ADAMTSL3: variants seen among roughly 807,000 people sequenced by gnomAD.
ADAMTSL3 encodes ADAMTS like 3.
ADAMTSL3 carries 128 observed loss-of-function variants against 201.7 expected under a neutral mutation model. The ratio of observed to expected loss-of-function variants is 0.63; its 90% CI spans 0.55 to 0.73. The LOEUF is 0.73. Among genes scored for constraint, ADAMTSL3 ranks in the 30% least tolerant of loss-of-function variants. The pLI, the probability that ADAMTSL3 is intolerant of heterozygous loss-of-function variation, is 0.00. For synonymous variants in ADAMTSL3, 738 were observed against 748.4 expected, an observed-to-expected ratio of 0.99 and a Z score of 0.23; for missense variants, 1,990 against 2,119.6, an observed-to-expected ratio of 0.94 and a Z score of 1.20.
chr15:83,903,926 A>AGGGAGGGAGGGAGG (rs1283956007), intron 15 of ADAMTSL3, among the ~76,000 whole-genome samples: 1 of 31,776 alleles, frequency 3.1e-5, no homozygotes, highest in Non-Finnish European at 4.9e-5. Context: ...TCAAAAAAAA[A>AGGGAGGGAGGGAGG]AAAAAAAAAA....
chr15:83,863,886 A>C (rs554763576), intron 8 of ADAMTSL3, among the ~76,000 whole-genome samples: 2 of 152,352 alleles, frequency 1.3e-5, no homozygotes, highest in East Asian at 3.9e-4. Context: ...AATAAAGAAA[A>C]GAGAGAAGCA....
chr15:83,919,319 T>C (rs1279347348), intron 16 of ADAMTSL3, among the ~76,000 whole-genome samples: 1 of 152,000 alleles, frequency 6.6e-6, no homozygotes, highest in Non-Finnish European at 1.5e-5. Flanking sequence ...AGTGTCTGGG[T>C]GGAGGACACT....
At chr15:83,781,790 A>G (rs1048208889) in intron 4 of ADAMTSL3, among the ~76,000 whole-genome samples, 1 of 152,232 alleles carries the variant, frequency 6.6e-6, no homozygotes, top group African/African-American at 2.4e-5. Context: ...ATTTTTCAAG[A>G]GAAGACGTGG....
At chr15:83,946,215 G>A (rs966857706) in intron 19 of ADAMTSL3, among the ~76,000 whole-genome samples, 3 of 152,232 alleles carry the variant, frequency 2.0e-5, no homozygotes, top group Non-Finnish European at 4.4e-5. Flanking sequence ...TGGTGTCTTA[G>A]AGTGGAGGCT....
intron 3 of ADAMTSL3, among the ~76,000 whole-genome samples, chr15:83,747,912 G>C (rs1338685379): frequency 2.0e-5 from 3 of 150,942 alleles, no homozygotes; most frequent in Non-Finnish European, 2.9e-5. Context: ...ATGAGATCTG[G>C]CAGGTCCAGA....
intron 4 of ADAMTSL3, among the ~76,000 whole-genome samples, chr15:83,794,416 T>TA (rs2063391611): frequency 6.6e-6 from 1 of 152,214 alleles, no homozygotes; most frequent in South Asian, 2.1e-4. Flanking sequence ...CAATGCCCTT[T>TA]AGTGGGTGAA....
chr15:83,859,052 A>G (rs566414672), intron 8 of ADAMTSL3, among the ~76,000 whole-genome samples: 13 of 152,360 alleles, frequency 8.5e-5, no homozygotes, highest in African/African-American at 2.9e-4. Flanking sequence ...TGAGGCATTT[A>G]TTGCAGAGCA....
intron 5 of ADAMTSL3, 90 bp downstream of exon 5, chr15:83,804,785 C>G: frequency 1.1e-6 from 1 of 938,386 alleles, no homozygotes; most frequent in Non-Finnish European, 1.6e-6. Context: ...AACTGATGGT[C>G]TCTTAATACC....
intron 8 of ADAMTSL3, among the ~76,000 whole-genome samples, chr15:83,869,946 C>G (rs1055802671): frequency 6.6e-6 from 1 of 151,890 alleles, no homozygotes; most frequent in Non-Finnish European, 1.5e-5. Context: ...TTTTTTGTTG[C>G]CTCTCTCAAC....
At chr15:83,886,082 T>C (rs2065384806) in intron 10 of ADAMTSL3, among the ~76,000 whole-genome samples, 1 of 152,132 alleles carries the variant, frequency 6.6e-6, no homozygotes. Flanking sequence ...AATCCAGGGC[T>C]CCACACACAC....
At chr15:83,659,703 G>A (rs184588512) in intron 2 of ADAMTSL3, among the ~76,000 whole-genome samples, 1 of 152,252 alleles carries the variant, frequency 6.6e-6, no homozygotes, top group African/African-American at 2.4e-5. Context: ...ATGTGATTAA[G>A]AATATTGAAT....
At chr15:83,772,299 A>T (rs2062997172) in intron 3 of ADAMTSL3, among the ~76,000 whole-genome samples, 1 of 152,168 alleles carries the variant, frequency 6.6e-6, no homozygotes, top group Non-Finnish European at 1.5e-5. Context: ...TACAGTATTG[A>T]GTCTACTCAT....
At chr15:83,785,046 G>A (rs1003114777) in intron 4 of ADAMTSL3, among the ~76,000 whole-genome samples, 5 of 152,114 alleles carry the variant, frequency 3.3e-5, no homozygotes, top group Non-Finnish European at 5.9e-5. Context: ...CTTCCTTTGA[G>A]CATTCAGTTC....
chr15:84,002,936 C>CTTTTTTTTTTTTTTTTTTTTTT (rs368176543), intron 23 of ADAMTSL3, among the ~76,000 whole-genome samples: 3 of 99,984 alleles, frequency 3.0e-5, no homozygotes, highest in African/African-American at 1.2e-4. Flanking sequence ...CTTTTCTTTT[C>CTTTTTTTTTTTTTTTTTTTTTT]TTTTTTTTTT....
chr15:83,903,917 C>CA (rs1168502648), intron 15 of ADAMTSL3, among the ~76,000 whole-genome samples: 307 of 19,268 alleles, frequency 0.016, 13 homozygotes, highest in African/African-American at 0.047. Flanking sequence ...GACTCCACAT[C>CA]AAAAAAAAAA....
chr15:83,707,973 G>A (rs564722140), intron 3 of ADAMTSL3, among the ~76,000 whole-genome samples: 2 of 152,330 alleles, frequency 1.3e-5, no homozygotes, highest in South Asian at 4.1e-4. Flanking sequence ...GGTGGGGACA[G>A]TTTTCCAGTG....
chr15:83,898,389 A>G (rs2065659213), intron 14 of ADAMTSL3, among the ~76,000 whole-genome samples: 1 of 152,214 alleles, frequency 6.6e-6, no homozygotes, highest in Non-Finnish European at 1.5e-5. Flanking sequence ...AAACAGAGGA[A>G]GAAGTAGAGG....
chr15:83,997,585 G>A (rs545058202), intron 23 of ADAMTSL3, among the ~76,000 whole-genome samples: 8 of 152,000 alleles, frequency 5.3e-5, no homozygotes, highest in South Asian at 2.1e-4. Context: ...ATAAGACTCC[G>A]TCTCAAAAAA....
intron 19 of ADAMTSL3, among the ~76,000 whole-genome samples, chr15:83,946,267 T>C (rs2066653568): frequency 6.6e-6 from 1 of 152,330 alleles, no homozygotes; most frequent in Non-Finnish European, 1.5e-5. Context: ...GCTCTCTCAG[T>C]GAATAACTGA....
Sources: allele counts gnomAD v4.1 joint callset (sites outside exome capture counted in the v4.1 genomes callset), GRCh38; gene constraint gnomAD v4.1.1; transcripts MANE v1.5; gene names NCBI Gene and HGNC (gene_info 2026-07-23, HGNC 2026-07-21).